Variants in TCF12 observed in about 807,000 individuals in gnomAD.
TCF12 encodes DNA-binding protein HTF4.
In TCF12, 45 loss-of-function variants were observed where a neutral mutation model predicts 86.0. The ratio of observed to expected loss-of-function variants is 0.52; its 90% confidence interval spans 0.41 to 0.67. TCF12 has a LOEUF of 0.67. Among genes scored for constraint, TCF12 ranks in the 30% least tolerant of loss-of-function variants. The pLI, the probability that TCF12 is intolerant of heterozygous loss-of-function variation, is 0.00. For synonymous variants in TCF12, 330 were observed against 299.6 expected, an observed-to-expected ratio of 1.10 and a Z score of -1.05; for missense variants, 881 against 859.9, an observed-to-expected ratio of 1.02 and a Z score of -0.31.
chr15:57,226,620 G>T lies in TCF12; in HGVS notation c.580-4532G>T, dbSNP rs556416780. 3.9e-5 allele frequency among the ~76,000 whole-genome samples: 6 copies of T among 152,306 alleles called. No homozygotes were observed. In the South Asian group the frequency reaches 1.2e-3, roughly 32 times the overall value. On this transcript the variant is annotated intron_variant, in intron 8 of 20. Transcript: ENST00000333725. ...TCTGTGTTGGACCATGTTCAGAAAA[G>T]TAGGTAGCCTTCTCCATACTTCTTT...
intron 3 of TCF12, among the ~76,000 whole-genome samples, chr15:56,954,667 A>G (rs1204603560): frequency 6.6e-6 from 1 of 152,152 alleles, no homozygotes; most frequent in Non-Finnish European, 1.5e-5. Context: ...TTTGCAATCT[A>G]CCTATCTGAC....
At chr15:57,281,191 T>A (rs1433279570) in intron 19 of TCF12, among the ~76,000 whole-genome samples, 1 of 151,710 alleles carries the variant, frequency 6.6e-6, no homozygotes, top group Admixed American at 6.6e-5. Flanking sequence ...TGACAACTCT[T>A]GGGCTCAAGC....
At chr15:56,996,734 G>A (rs746711587) in intron 3 of TCF12, among the ~76,000 whole-genome samples, 2 of 152,094 alleles carry the variant, frequency 1.3e-5, no homozygotes, top group African/African-American at 2.4e-5. Context: ...CACAAACTAT[G>A]CATCCAACAA....
intron 3 of TCF12, among the ~76,000 whole-genome samples, chr15:56,970,995 A>G (rs1472313777): frequency 6.6e-6 from 1 of 152,114 alleles, no homozygotes; most frequent in Non-Finnish European, 1.5e-5. Context: ...TTGAGGCTGT[A>G]GTGTTTGTGC....
intron 16 of TCF12, among the ~76,000 whole-genome samples, chr15:57,261,043 A>T (rs1208318192): frequency 6.6e-6 from 1 of 152,140 alleles, no homozygotes; most frequent in East Asian, 1.9e-4. Context: ...TCCCAGCTTT[A>T]AGGTTTTGTG....
chr15:57,085,741 T>A (rs1396021222), intron 4 of TCF12, among the ~76,000 whole-genome samples: 1 of 152,220 alleles, frequency 6.6e-6, no homozygotes, highest in East Asian at 1.9e-4. Context: ...TTTTTAACTT[T>A]CCATTTTATT....
intron 8 of TCF12, among the ~76,000 whole-genome samples, chr15:57,229,262 C>G (rs537637282): frequency 3.6e-4 from 54 of 152,082 alleles, no homozygotes; most frequent in African/African-American, 1.2e-3. Context: ...ACATTGCAGA[C>G]ACATTGGTAT....
chr15:57,051,086 TG>T (rs1361311481), intron 3 of TCF12, among the ~76,000 whole-genome samples: 1 of 152,236 alleles, frequency 6.6e-6, no homozygotes, highest in East Asian at 1.9e-4. Context: ...GTAGAAGTTT[TG>T]GCTTTTGTTA....
At chr15:57,215,338 T>C (rs2151837350) in intron 8 of TCF12, among the ~76,000 whole-genome samples, 1 of 152,272 alleles carries the variant, frequency 6.6e-6, no homozygotes, top group East Asian at 1.9e-4. Flanking sequence ...ATTTGTTCAG[T>C]TGCAGATTCT....
intron 3 of TCF12, among the ~76,000 whole-genome samples, chr15:56,950,999 G>C (rs1033986254): frequency 6.6e-6 from 1 of 151,630 alleles, no homozygotes; most frequent in East Asian, 1.9e-4. Flanking sequence ...TAGGTGATCC[G>C]CCCACCTTGG....
chr15:57,223,887 T>G (rs1196015600), intron 8 of TCF12, among the ~76,000 whole-genome samples: 2 of 151,374 alleles, frequency 1.3e-5, no homozygotes, highest in African/African-American at 4.8e-5. Context: ...CCCAAAAGAG[T>G]TAAATCTAAC....
At position 56,975,608 on chromosome 15, in the gene TCF12, C is replaced by T. The variant is rs892649901; in HGVS notation, c.148+54510C>T. 2.0e-5 allele frequency among the ~76,000 whole-genome samples: 3 copies of T among 151,962 alleles called. No homozygotes were observed. The South Asian group carries it at 6.2e-4, about 32-fold the overall frequency. On this transcript the variant is annotated intron_variant, in intron 3 of 20. Transcript: ENST00000333725. ...GTTAAAAAATAAAATATGCCAGTAG[C>T]TAAGCATATGCTAAAAACTAGGGGT...
chr15:56,952,712 G>A (rs761236423), intron 3 of TCF12, among the ~76,000 whole-genome samples: 3 of 152,012 alleles, frequency 2.0e-5, no homozygotes, highest in Admixed American at 1.3e-4. Context: ...TTTATATAGC[G>A]ACATTGTATA....
At chr15:57,261,985 C>A in intron 16 of TCF12, 109 bp from the exon 17 acceptor site, 1 of 631,926 alleles carries the variant, frequency 1.6e-6, no homozygotes, top group Non-Finnish European at 2.5e-6. Context: ...TTGCTGAAAT[C>A]AGATGAGTGA....
intron 8 of TCF12, among the ~76,000 whole-genome samples, chr15:57,226,288 A>G (rs1393688290): frequency 1.3e-5 from 2 of 151,486 alleles, no homozygotes; most frequent in Admixed American, 6.6e-5. Flanking sequence ...ATATAATTAT[A>G]TAAGATACCA....
At chr15:57,193,446 A>G (rs2057088191) in intron 7 of TCF12, among the ~76,000 whole-genome samples, 1 of 152,232 alleles carries the variant, frequency 6.6e-6, no homozygotes, top group Non-Finnish European at 1.5e-5. Flanking sequence ...TGTCTTACAC[A>G]TAGCCTAACC....
At chr15:56,931,705 A>G (rs1463036185) in intron 3 of TCF12, among the ~76,000 whole-genome samples, 2 of 152,182 alleles carry the variant, frequency 1.3e-5, no homozygotes, top group Non-Finnish European at 2.9e-5. Context: ...AAAACAGGTT[A>G]TGATTCTGTT....
chr15:57,001,430 T>C (rs1160024209), intron 3 of TCF12: 1 of 178,034 alleles, frequency 5.6e-6, no homozygotes, highest in African/African-American at 2.4e-5. Context: ...TACACCACAT[T>C]ATTTTAACAA....
In TCF12 at chr15:57,263,293, GT is replaced by G; in HGVS notation, c.1745+23del. ...GAACAAGGTATTTGTTAGCATCCAG[GT>G]TTTAAATTTTATTCATTTTCCATAG... On this transcript the variant is annotated intron_variant, in intron 18 of 20. Transcript: ENST00000333725. 6.3e-7 allele frequency: 1 copy of G among 1,588,808 alleles called. No homozygotes were observed. The highest frequency in any genetic ancestry group is 8.5e-7 in the Non-Finnish European group (1 of 1,174,456).
Sources: gnomAD v4.1 joint callset for allele counts (sites outside exome capture counted in the v4.1 genomes callset) on GRCh38, gnomAD v4.1.1 for gene constraint, MANE v1.5 for transcripts, NCBI Gene and HGNC (gene_info 2026-07-23, HGNC 2026-07-21) for gene names.